Variants in LUC7L2 observed in about 807,000 individuals in gnomAD.
LUC7L2 encodes the protein putative RNA-binding protein Luc7-like 2.
In LUC7L2, 25 loss-of-function variants were observed where a neutral mutation model predicts 52.8. The ratio of observed to expected loss-of-function variants is 0.47; its 90% CI spans 0.34 to 0.66. The LOEUF is 0.66. LUC7L2 is among the 30% of genes least tolerant of loss of function. The pLI is 0.01. For missense variants in LUC7L2, 328 were observed against 497.8 expected (o/e 0.66, Z 3.25); for synonymous variants, 144 against 160.9 (o/e 0.89, Z 0.80).
At chr7:139,415,972 G>A (rs1795580680) in intron 8 of LUC7L2, among the ~76,000 whole-genome samples, 1 of 129,944 alleles carries the variant, frequency 7.7e-6, no homozygotes, top group Non-Finnish European at 1.6e-5. Context: ...TGAACTTGCT[G>A]TATCAAATTA....
At chr7:139,387,905 A>G (rs1198848049) in intron 2 of LUC7L2, among the ~76,000 whole-genome samples, 1 of 152,180 alleles carries the variant, frequency 6.6e-6, no homozygotes, top group African/African-American at 2.4e-5. Context: ...GGCGTGAGCC[A>G]CCATGTCTGG....
chr7:139,353,216 T>A (rs191296705), intron 1 of LUC7L2, among the ~76,000 whole-genome samples: 1 of 152,162 alleles, frequency 6.6e-6, no homozygotes, highest in East Asian at 1.9e-4. Context: ...GGCACCATGT[T>A]TATAAAATTT....
At chr7:139,420,057 C>T (rs979909639) in intron 9 of LUC7L2, among the ~76,000 whole-genome samples, 9 of 121,066 alleles carry the variant, frequency 7.4e-5, no homozygotes, top group Non-Finnish European at 1.1e-4. Flanking sequence ...GTCTCTGATA[C>T]AAGTAGATTC....
Position 139,417,580 on chromosome 7 carries a change from G to C in LUC7L2, c.852G>C (p.Met284Ile), listed in dbSNP as rs1382090113. The C allele has an allele frequency of 5.0e-6, 8 of 1,614,058 alleles. No homozygotes were observed. The South Asian group carries it at 8.8e-5, about 18-fold the overall frequency. ...REHRRHRSRS[M>I]SRERKRRTRS... ...ATCGCAGACATCGATCTCGCTCCAT[G>C]TCACGTGAACGCAAGAGGAGAACTC... Residue 284 changes from methionine to isoleucine, a missense_variant, in exon 9 of 10, where the codon ATG becomes ATC. Transcript: ENST00000354926.
chr7:139,345,634 T>C, intron 1 of LUC7L2: 1 of 1,614,086 alleles, frequency 6.2e-7, no homozygotes, highest in Non-Finnish European at 8.5e-7. Flanking sequence ...GAGCGCTCGG[T>C]GGAGGAGTCT....
intron 2 of LUC7L2, among the ~76,000 whole-genome samples, chr7:139,390,747 G>A (rs1412042242): frequency 6.6e-6 from 1 of 151,792 alleles, no homozygotes. Context: ...TAGTAGAGAC[G>A]GGATTTCACC....
rs1304229359 is a variant in LUC7L2 at position 139,415,203 on chromosome 7, T to G, written c.810-2335T>G. On this transcript the variant is annotated intron_variant, in intron 8 of 9. Coordinates refer to ENST00000354926, the MANE Select transcript of LUC7L2 (RefSeq NM_016019.5). ...TTGGGATTACAGGCATGAGTCACCA[T>G]GTCCAGCAATAGATCTTTTTTTTTT... Among the ~76,000 whole-genome samples, 3 of 150,924 alleles carry G rather than the reference T, an allele frequency of 2.0e-5. No individual in the cohort carries two copies. The East Asian group carries it at 5.8e-4, about 29-fold the overall frequency.
chr7:139,390,811 C>T (rs143661571), intron 2 of LUC7L2, among the ~76,000 whole-genome samples: 3,094 of 152,250 alleles, frequency 0.02, 48 homozygotes, highest in Middle Eastern at 0.044. Flanking sequence ...CCGTCTCGGC[C>T]TCCCAAACTG....
rs781727749 is a variant in LUC7L2, at chr7:139,407,364, ATATTCCTCACTT to A, written c.687+18_687+29del. 5.6e-6 allele frequency: 9 copies of A among 1,599,074 alleles called. No individual in the cohort carries two copies. In the African/African-American group the frequency reaches 9.4e-5, roughly 17 times the overall value. Reference sequence around the variant, plus strand: ...GAAGAATTAAAGGTACATTGGTAAAATATTCCTCACTTTATCCTCTTGTTCTTTTGATCTGTA... The same window carrying A: ...GAAGAATTAAAGGTACATTGGTAAAATATCCTCTTGTTCTTTTGATCTGTA... On this transcript the variant is annotated intron_variant, in intron 6 of 9. Coordinates refer to ENST00000354926, the MANE Select transcript of LUC7L2 (RefSeq NM_016019.5).
chr7:139,409,525 C>T (rs1375684698), intron 6 of LUC7L2, 38 bp from the exon 7 acceptor site: 1 of 1,571,936 alleles, frequency 6.4e-7, no homozygotes, highest in Admixed American at 1.9e-5. Flanking sequence ...TAAGAATGGA[C>T]TCAGTAAATA....
chr7:139,412,523 T>C (rs769811721), intron 7 of LUC7L2, 28 bp from the exon 8 acceptor site: 2 of 1,579,012 alleles, frequency 1.3e-6, no homozygotes, highest in South Asian at 1.2e-5. Context: ...TAGCCACTTT[T>C]CTAAAAATAC....
intron 6 of LUC7L2, 37 bp from the exon 7 acceptor site, chr7:139,409,526 T>G (rs1206645036): frequency 1.3e-6 from 2 of 1,573,680 alleles, no homozygotes; most frequent in Non-Finnish European, 8.6e-7. Context: ...AAGAATGGAC[T>G]CAGTAAATAT....
chr7:139,374,519 A>G (rs539725368), intron 1 of LUC7L2: 2 of 1,549,228 alleles, frequency 1.3e-6, no homozygotes, highest in East Asian at 2.4e-5. Flanking sequence ...GTGGAACAAA[A>G]GCAGTTGTGT....
At chr7:139,345,701 A>G (rs1442051248) in intron 1 of LUC7L2, 1 of 1,613,960 alleles carries the variant, frequency 6.2e-7, no homozygotes, top group Non-Finnish European at 8.5e-7. Flanking sequence ...GCTGGGAGCC[A>G]TGAACATGGA....
intron 8 of LUC7L2, among the ~76,000 whole-genome samples, chr7:139,414,380 A>G (rs542425995): frequency 6.6e-5 from 10 of 152,352 alleles, no homozygotes; most frequent in African/African-American, 2.4e-4. Flanking sequence ...AAAAAATTGC[A>G]AAGAAATCTC....
intron 9 of LUC7L2, 128 bp downstream of exon 9, chr7:139,417,857 AC>A (rs2116334020): frequency 1.6e-6 from 2 of 1,282,654 alleles, no homozygotes; most frequent in South Asian, 3.3e-5. Context: ...TAATATGTAC[AC>A]ATTTATGTGT....
chr7:139,359,776 G>T (rs1050066131), upstream of LUC7L2: 3 of 400,714 alleles, frequency 7.5e-6, no homozygotes, highest in African/African-American at 2.1e-5. Flanking sequence ...GAGCGCGCGT[G>T]CACGCGCCCA....
chr7:139,372,317 A>G (rs760475521), intron 1 of LUC7L2, among the ~76,000 whole-genome samples: 2 of 152,218 alleles, frequency 1.3e-5, no homozygotes, highest in African/African-American at 4.8e-5. Flanking sequence ...ATGTTACTCA[A>G]AAAGTATTGT....
intron 9 of LUC7L2, among the ~76,000 whole-genome samples, chr7:139,420,399 C>T (rs183887897): frequency 2.9e-4 from 44 of 152,234 alleles, no homozygotes; most frequent in Admixed American, 2.4e-3. Context: ...GACAGGGTTA[C>T]GCCATGTTGG....
Sources: allele counts gnomAD v4.1 joint callset (sites outside exome capture counted in the v4.1 genomes callset), GRCh38; gene constraint gnomAD v4.1.1; transcripts MANE v1.5; gene names NCBI Gene and HGNC (gene_info 2026-07-23, HGNC 2026-07-21).